Variants in RIMKLB observed in about 807,000 individuals in gnomAD.
RIMKLB encodes the protein ribosomal modification protein rimK like family member B.
A neutral mutation model predicts 32.0 loss-of-function variants in RIMKLB; 7 were observed. The observed-to-expected ratio is 0.22, with a 90% confidence interval of 0.12 to 0.41. The LOEUF (loss-of-function observed/expected upper bound fraction) is 0.41, where lower values mean the gene tolerates loss of function less well. RIMKLB is among the 10% of genes least tolerant of loss of function. The pLI is 1.00. For synonymous variants in RIMKLB, 172 were observed against 185.1 expected (o/e 0.93, Z 0.57); for missense variants, 289 against 498.7 (o/e 0.58, Z 4.00).
intron 1 of RIMKLB, among the ~76,000 whole-genome samples, chr12:8,701,342 A>G (rs1206773739): frequency 1.3e-5 from 2 of 152,116 alleles, no homozygotes; most frequent in Non-Finnish European, 2.9e-5. Flanking sequence ...ATCTGTGTAC[A>G]TGTTAGGTTT....
At chr12:8,757,903 A>C (rs763052743) in intron 5 of RIMKLB, among the ~76,000 whole-genome samples, 1 of 151,798 alleles carries the variant, frequency 6.6e-6, no homozygotes, top group South Asian at 2.1e-4. Context: ...CTTCTTGCCA[A>C]CCTGTAAGGT....
rs1056770 is a variant in RIMKLB, at chr12:8,776,254, G to T, written c.*2470G>T. The T allele has an allele frequency of 1.0e-6, 1 of 975,882 alleles. No individual in the cohort carries two copies. The highest frequency in any genetic ancestry group is 1.2e-6 in the Non-Finnish European group (1 of 823,290). 60.5% of individuals were successfully genotyped at this position (975,882 alleles called of 1,614,324 possible). ...TTTATTCACTATTATGCATTCACATGATATTAAAACGTACACTCACATGTT... is the reference window on the plus strand; with the variant it reads ...TTTATTCACTATTATGCATTCACATTATATTAAAACGTACACTCACATGTT... On this transcript the variant is annotated 3_prime_UTR_variant, in exon 6 of 6. Coordinates refer to ENST00000535829, the MANE Select transcript of RIMKLB (RefSeq NM_001297776.2).
At chr12:8,764,218 A>G (rs867765461) in intron 5 of RIMKLB, among the ~76,000 whole-genome samples, 2 of 152,026 alleles carry the variant, frequency 1.3e-5, no homozygotes, top group African/African-American at 4.8e-5. Flanking sequence ...TTTGGCAGGG[A>G]AAGGAGGCGG....
chr12:8,741,362 A>G (rs1317513801), intron 2 of RIMKLB, among the ~76,000 whole-genome samples: 1 of 151,008 alleles, frequency 6.6e-6, no homozygotes, highest in East Asian at 2.0e-4. Flanking sequence ...TGGGCGACAG[A>G]GCAAGACTCC....
At chr12:8,732,085 C>A (rs112533022) in intron 2 of RIMKLB, among the ~76,000 whole-genome samples, 5,010 of 151,884 alleles carry the variant, frequency 0.033, 275 homozygotes, top group African/African-American at 0.11. Context: ...GGTCCCTTGG[C>A]CTAGAACTAG....
At chr12:8,777,323 G>A, downstream of RIMKLB, 1 of 985,386 alleles carries the variant, frequency 1.0e-6, no homozygotes, top group South Asian at 4.6e-5. Context: ...TTTCAGTAGT[G>A]GACAGAAATC....
chr12:8,774,539 G>A lies in RIMKLB; in HGVS notation c.*755G>A. The stretch of plus-strand genomic sequence containing the variant: ...TTCACTTGTATTTGTTAGTGTTTTA[G>A]TCTTTTTTGAAAGATGTGCTCTGTT... On this transcript the variant is annotated 3_prime_UTR_variant, in exon 6 of 6. Transcript: ENST00000535829. 1.0e-6 allele frequency: 1 copy of A among 962,082 alleles called. No individual in the cohort carries two copies. Among genetic ancestry groups the A allele is most frequent in the Non-Finnish European group, 1.2e-6 (1 of 812,376 alleles). 59.6% of individuals were successfully genotyped at this position (962,082 alleles called of 1,614,324 possible). A position where few individuals can be genotyped will look rare whatever the true frequency, so the allele number is the denominator to read the frequency against.
At chr12:8,745,489 G>A (rs1294527465) in intron 2 of RIMKLB, among the ~76,000 whole-genome samples, 5 of 151,532 alleles carry the variant, frequency 3.3e-5, no homozygotes, top group African/African-American at 1.2e-4. Flanking sequence ...CCGCCTCCCT[G>A]GTTCAAGCAG....
At chr12:8,697,634 T>C, upstream of RIMKLB, 1 of 218,410 alleles carries the variant, frequency 4.6e-6, no homozygotes, top group South Asian at 4.2e-5. Context: ...GTGAAGACGG[T>C]TTGGGGGCGG....
At chr12:8,771,570 T>C (rs1950398412) in intron 5 of RIMKLB, among the ~76,000 whole-genome samples, 2 of 152,126 alleles carry the variant, frequency 1.3e-5, no homozygotes, top group Admixed American at 1.3e-4. Flanking sequence ...ATTGTAAGAG[T>C]CTAGCTTCAA....
intron 2 of RIMKLB, among the ~76,000 whole-genome samples, chr12:8,732,764 C>T (rs879841820): frequency 3.9e-4 from 59 of 150,648 alleles, no homozygotes; most frequent in East Asian, 1.4e-3. Context: ...TATACACACA[C>T]ACACACACAC....
intron 1 of RIMKLB, among the ~76,000 whole-genome samples, chr12:8,688,268 A>G (rs1591597952): frequency 6.6e-6 from 1 of 152,188 alleles, no homozygotes; most frequent in South Asian, 2.1e-4. Flanking sequence ...TGCCAAATGC[A>G]CTGTTCTGAT....
intron 2 of RIMKLB, among the ~76,000 whole-genome samples, chr12:8,740,430 G>T (rs775758452): frequency 6.6e-6 from 1 of 152,132 alleles, no homozygotes; most frequent in East Asian, 1.9e-4. Flanking sequence ...TCTCAGATGG[G>T]TGCACCCATC....
At position 8,775,885 on chromosome 12, in the gene RIMKLB, C is replaced by T. The variant is rs1950698097; in HGVS notation, c.*2101C>T. 1 of 985,132 alleles carries T rather than the reference C, an allele frequency of 1.0e-6. No homozygotes were observed. Among genetic ancestry groups the T allele is most frequent in the African/African-American group, 1.7e-5 (1 of 57,332 alleles). The allele number at this position is 985,132 out of a possible 1,614,324, so 61.0% of individuals were successfully genotyped here. A position where few individuals can be genotyped will look rare whatever the true frequency, so the allele number is the denominator to read the frequency against. ...TCTTGCGCAGGGTAAATGGGGGACTCACATACATATATTAATACCTCTGAC... is the reference window on the plus strand; with the variant it reads ...TCTTGCGCAGGGTAAATGGGGGACTTACATACATATATTAATACCTCTGAC... On this transcript the variant is annotated 3_prime_UTR_variant, in exon 6 of 6. Coordinates refer to ENST00000535829, the MANE Select transcript of RIMKLB (RefSeq NM_001297776.2).
At chr12:8,721,471 G>A (rs1031277643) in intron 2 of RIMKLB, among the ~76,000 whole-genome samples, 38 of 152,136 alleles carry the variant, frequency 2.5e-4, no homozygotes, top group African/African-American at 8.7e-4. Flanking sequence ...CTCTTCACAG[G>A]AATAGATTCC....
chr12:8,696,809 G>T (rs1942906570), upstream of RIMKLB, among the ~76,000 whole-genome samples: 1 of 152,222 alleles, frequency 6.6e-6, no homozygotes, highest in Non-Finnish European at 1.5e-5. Flanking sequence ...GAGGAGCAGT[G>T]AAAAGTTGTT....
At chr12:8,759,447 A>G (rs1398670998) in intron 5 of RIMKLB, among the ~76,000 whole-genome samples, 4 of 152,264 alleles carry the variant, frequency 2.6e-5, no homozygotes, top group East Asian at 1.9e-4. Flanking sequence ...TTGCATTTCA[A>G]CTTGCAATTT....
At chr12:8,696,207 G>A (rs753416402), upstream of RIMKLB, among the ~76,000 whole-genome samples, 4 of 152,110 alleles carry the variant, frequency 2.6e-5, no homozygotes, top group Non-Finnish European at 4.4e-5. Flanking sequence ...TATTTTGTCA[G>A]ATTTTCAGTG....
the RIMKLB span, among the ~76,000 whole-genome samples, chr12:8,672,758 G>A: frequency 2.6e-5 from 4 of 152,190 alleles, no homozygotes; most frequent in Admixed American, 2.6e-4. Context: ...CTACCTCCCC[G>A]CCTCCCCGTG....
Sources: allele counts gnomAD v4.1 joint callset (sites outside exome capture counted in the v4.1 genomes callset), GRCh38; gene constraint gnomAD v4.1.1; transcripts MANE v1.5; gene names NCBI Gene and HGNC (gene_info 2026-07-23, HGNC 2026-07-21).